Variants in ITCH observed in about 807,000 individuals in gnomAD.
ITCH encodes E3 ubiquitin-protein ligase Itchy homolog.
In ITCH, 28 loss-of-function variants were observed where a neutral mutation model predicts 126.8. The observed-to-expected ratio is 0.22, with a 90% CI of 0.16 to 0.30. The LOEUF (loss-of-function observed/expected upper bound fraction) is 0.30. Ranked by LOEUF, ITCH falls within the 10% of genes least tolerant of loss-of-function variation. The pLI is 1.00. For synonymous variants in ITCH, 342 were observed against 340.0 expected (o/e 1.01, Z -0.06); for missense variants, 631 against 1,032.4 (o/e 0.61, Z 5.33).
intron 16 of ITCH, among the ~76,000 whole-genome samples, chr20:34,475,234 C>T (rs1988077003): frequency 1.3e-5 from 2 of 152,228 alleles, no homozygotes; most frequent in African/African-American, 4.8e-5. Context: ...AGAGATGCTC[C>T]TCACTTCCCA....
intron 11 of ITCH, among the ~76,000 whole-genome samples, chr20:34,446,333 C>A (rs1005763528): frequency 6.6e-6 from 1 of 152,174 alleles, no homozygotes; most frequent in Non-Finnish European, 1.5e-5. Flanking sequence ...TGTTAGAATT[C>A]ATCAGAGTAA....
chr20:34,411,479 A>AT (rs1321926494), intron 4 of ITCH, among the ~76,000 whole-genome samples: 6 of 152,148 alleles, frequency 3.9e-5, no homozygotes, highest in Non-Finnish European at 7.4e-5. Context: ...AATACAATAT[A>AT]TAATATGAGC....
intron 4 of ITCH, 70 bp downstream of exon 4, chr20:34,408,862 T>A: frequency 8.5e-6 from 13 of 1,526,398 alleles, no homozygotes; most frequent in Non-Finnish European, 1.2e-5. Flanking sequence ...TTTAAAAAAA[T>A]GTTTCTCACT....
chr20:34,396,295 A>G (rs1056186413), intron 3 of ITCH, among the ~76,000 whole-genome samples: 7 of 152,094 alleles, frequency 4.6e-5, no homozygotes, highest in Admixed American at 6.5e-5. Flanking sequence ...CGGCCTACCA[A>G]TGTGCTGGGA....
chr20:34,369,201 G>C (rs1487745986), intron 1 of ITCH, among the ~76,000 whole-genome samples, 193 bp from the exon 2 acceptor site: 2 of 152,188 alleles, frequency 1.3e-5, no homozygotes, highest in Non-Finnish European at 1.5e-5. Context: ...GGGGGTGCAC[G>C]CCCGTAGTGT....
intron 2 of ITCH, among the ~76,000 whole-genome samples, chr20:34,373,798 TCTACTA>T (rs2037732316): frequency 6.6e-6 from 1 of 152,204 alleles, no homozygotes; most frequent in Non-Finnish European, 1.5e-5. Flanking sequence ...TCCAGAAATA[TCTACTA>T]ACTTGCTTGC....
intron 13 of ITCH, among the ~76,000 whole-genome samples, chr20:34,458,648 A>G (rs1409295270): frequency 6.6e-6 from 1 of 152,208 alleles, no homozygotes; most frequent in Non-Finnish European, 1.5e-5. Context: ...AGAAGATACT[A>G]GGAAGAGATC....
intron 2 of ITCH, among the ~76,000 whole-genome samples, chr20:34,385,943 C>A (rs2038267294): frequency 6.6e-6 from 1 of 152,136 alleles, no homozygotes; most frequent in African/African-American, 2.4e-5. Context: ...CAACCGCCTT[C>A]CCTATCATGA....
At chr20:34,401,122 TG>T (rs1239923779) in intron 3 of ITCH, among the ~76,000 whole-genome samples, 2 of 152,216 alleles carry the variant, frequency 1.3e-5, no homozygotes, top group African/African-American at 4.8e-5. Context: ...TTGGATGTTT[TG>T]AATCAGCTCT....
At chr20:34,363,672 C>T (rs2037287346) in intron 1 of ITCH, among the ~76,000 whole-genome samples, 1 of 152,114 alleles carries the variant, frequency 6.6e-6, no homozygotes, top group South Asian at 2.1e-4. Context: ...GGCCCCTCGC[C>T]CCTCAGCCCC....
rs1346439204 is a variant in ITCH, at chr20:34,434,564, A to G, written c.522-3910A>G. On this transcript the variant is annotated intron_variant, in intron 7 of 24. Transcript: ENST00000374864. ...CCATCCAGGACATGATAGGCAAATC[A>G]TCCTTGAAGAAGGGGAGAGAGACTT... Among the ~76,000 whole-genome samples, 3 of 152,224 alleles carry G rather than the reference A, an allele frequency of 2.0e-5. No homozygotes were observed. In the East Asian group the frequency reaches 5.8e-4, roughly 29 times the overall value.
intron 20 of ITCH, among the ~76,000 whole-genome samples, chr20:34,482,022 C>T (rs1456879403): frequency 1.3e-5 from 2 of 151,818 alleles, no homozygotes; most frequent in African/African-American, 4.8e-5. Flanking sequence ...AACAAACAAA[C>T]GAATGAACAA....
At chr20:34,426,109 TAGTG>T (rs1981480980) in intron 7 of ITCH, among the ~76,000 whole-genome samples, 1 of 152,236 alleles carries the variant, frequency 6.6e-6, no homozygotes, top group Non-Finnish European at 1.5e-5. Flanking sequence ...GCTTTTAAAG[TAGTG>T]AGTGGCATGT....
intron 16 of ITCH, 61 bp downstream of exon 16, chr20:34,471,576 T>G: frequency 2.0e-6 from 2 of 1,012,504 alleles, no homozygotes; most frequent in East Asian, 4.8e-5. Flanking sequence ...CCGCTTTTGG[T>G]GCTGTCAGTT....
rs5841171 is a variant in ITCH, at chr20:34,375,696, A to ATTTTTTTTTT, written c.-22+6252_-22+6261dup. Among the ~76,000 whole-genome samples, 7 of 65,554 alleles carry ATTTTTTTTTT rather than the reference A, an allele frequency of 1.1e-4. 1 individual carries two copies. Among genetic ancestry groups the ATTTTTTTTTT allele is most frequent in the East Asian group, 5.2e-4 (1 of 1,924 alleles). 43.0% of individuals were successfully genotyped at this position (65,554 alleles called of 152,430 possible). Reference sequence around the variant, plus strand: ...CACTCACAATGTATTGGTAGTTAAAATTTTTTTTTTTTTTTTTTTTTTTTT... The same window carrying ATTTTTTTTTT: ...CACTCACAATGTATTGGTAGTTAAAATTTTTTTTTTTTTTTTTTTTTTTTTTTTTTTTTTT... On this transcript the variant is annotated intron_variant, in intron 2 of 24. Transcript: ENST00000374864.
intron 22 of ITCH, among the ~76,000 whole-genome samples, chr20:34,491,118 A>G (rs1322563413): frequency 6.6e-6 from 1 of 152,220 alleles, no homozygotes; most frequent in Non-Finnish European, 1.5e-5. Flanking sequence ...GGTGCTCCTC[A>G]ACTTATGATG....
chr20:34,498,393 A>G (rs1294845085), intron 23 of ITCH, among the ~76,000 whole-genome samples: 2 of 152,054 alleles, frequency 1.3e-5, no homozygotes, highest in African/African-American at 2.4e-5. Flanking sequence ...GAAAGTGGGC[A>G]CCCTTGTCTT....
chr20:34,508,431 A>T lies in ITCH; in HGVS notation c.*637A>T, dbSNP rs1978393050. The T allele has an allele frequency of 6.4e-6, 1 of 157,352 alleles. No homozygotes were observed. Among genetic ancestry groups the T allele is most frequent in the Admixed American group, 6.1e-5 (1 of 16,506 alleles). The allele number at this position is 157,352 out of a possible 1,614,324, so 9.7% of individuals were successfully genotyped here. On this transcript the variant is annotated 3_prime_UTR_variant, in exon 25 of 25. Transcript: ENST00000374864. ...TTGGTCACAGCCTGCAAATGACTTC[A>T]TTTGGAAGTCTGATTGTTTCAGTTG...
At chr20:34,456,314 T>G (rs1985995743) in intron 12 of ITCH, among the ~76,000 whole-genome samples, 1 of 132,656 alleles carries the variant, frequency 7.5e-6, no homozygotes. Flanking sequence ...AGTCTTGACC[T>G]CCCAGGTTCA....
Sources: gnomAD v4.1 joint callset for allele counts (sites outside exome capture counted in the v4.1 genomes callset) on GRCh38, gnomAD v4.1.1 for gene constraint, MANE v1.5 for transcripts, NCBI Gene and HGNC (gene_info 2026-07-23, HGNC 2026-07-21) for gene names.